Variants in PSD3 observed in about 807,000 individuals in gnomAD.
The protein encoded by PSD3 is PH and SEC7 domain-containing protein 3.
A neutral mutation model predicts 105.5 loss-of-function variants in PSD3; 49 were observed. The observed-to-expected ratio is 0.46, with a 90% confidence interval of 0.37 to 0.59. The LOEUF is 0.59. PSD3 is among the 20% of genes least tolerant of loss of function. The probability of loss-of-function intolerance (pLI) is 0.00; values close to 1 mark genes in which losing one functional copy is unlikely to be tolerated. For missense variants in PSD3, 1,561 were observed against 1,263.8 expected (o/e 1.24, Z -3.57); for synonymous variants, 557 against 457.8 (o/e 1.22, Z -2.77).
intron 8 of PSD3, among the ~76,000 whole-genome samples, chr8:18,782,312 T>G (rs947959841): frequency 3.9e-5 from 6 of 152,162 alleles, no homozygotes; most frequent in Admixed American, 1.3e-4. Flanking sequence ...CTCTATGGAT[T>G]GGGTTTCGAA....
intron 1 of PSD3, among the ~76,000 whole-genome samples, chr8:19,020,928 T>G (rs1827342578): frequency 6.6e-6 from 1 of 152,116 alleles, no homozygotes; most frequent in Admixed American, 6.6e-5. Context: ...TAAGTTAGAG[T>G]TAACTTTTCA....
intron 9 of PSD3, among the ~76,000 whole-genome samples, chr8:18,761,110 C>T (rs1002092609): frequency 2.0e-5 from 3 of 152,086 alleles, no homozygotes; most frequent in Admixed American, 6.6e-5. Context: ...TCACTAAAAA[C>T]GCAAATCAAA....
chr8:18,946,141 C>G (rs10093830), intron 1 of PSD3, among the ~76,000 whole-genome samples: 72,053 of 152,034 alleles, frequency 0.47, 17,444 homozygotes, highest in African/African-American at 0.57. Flanking sequence ...ACACTTTGCT[C>G]TCCCTCTATA....
At chr8:18,691,830 T>C (rs1335332758) in intron 9 of PSD3, among the ~76,000 whole-genome samples, 1 of 152,156 alleles carries the variant, frequency 6.6e-6, no homozygotes, top group African/African-American at 2.4e-5. Context: ...AAAGACAAAT[T>C]ATTCTCTAAG....
intron 2 of PSD3, among the ~76,000 whole-genome samples, chr8:18,896,475 G>A (rs1467401006): frequency 2.0e-5 from 3 of 152,156 alleles, no homozygotes. Context: ...GTGCACTGGT[G>A]CAATCTTGGC....
intron 9 of PSD3, among the ~76,000 whole-genome samples, chr8:18,752,546 T>TTACATATATTA (rs1805624487): frequency 5.6e-5 from 1 of 17,732 alleles, no homozygotes; most frequent in Non-Finnish European, 1.2e-4. Context: ...ATTATATATA[T>TTACATATATTA]TATATATAAT....
intron 9 of PSD3, among the ~76,000 whole-genome samples, chr8:18,656,240 T>C (rs1808883223): frequency 6.6e-6 from 1 of 152,060 alleles, no homozygotes; most frequent in Non-Finnish European, 1.5e-5. Context: ...GTATTTTTAG[T>C]AGAGACGGGG....
chr8:18,663,505 A>G (rs1017113464), intron 9 of PSD3, among the ~76,000 whole-genome samples: 3 of 152,170 alleles, frequency 2.0e-5, no homozygotes, highest in Non-Finnish European at 2.9e-5. Context: ...TAATACTTCA[A>G]AGTTTTACTA....
intron 1 of PSD3, among the ~76,000 whole-genome samples, chr8:19,019,997 A>G (rs1167114780): frequency 2.0e-5 from 3 of 152,322 alleles, no homozygotes; most frequent in African/African-American, 7.2e-5. Context: ...CCTTTCCCCC[A>G]AGACCCGAAT....
intron 4 of PSD3, among the ~76,000 whole-genome samples, chr8:18,865,541 G>A (rs1816860214): frequency 6.6e-6 from 1 of 151,814 alleles, no homozygotes; most frequent in Non-Finnish European, 1.5e-5. Flanking sequence ...TCCTCCACCT[G>A]TAACCACTTA....
At chr8:18,657,150 A>G (rs1353297438) in intron 9 of PSD3, among the ~76,000 whole-genome samples, 1 of 152,204 alleles carries the variant, frequency 6.6e-6, no homozygotes, top group Non-Finnish European at 1.5e-5. Flanking sequence ...GCAGGTTCAG[A>G]AAGTTGTCCA....
intron 1 of PSD3, among the ~76,000 whole-genome samples, chr8:19,062,560 T>C (rs543387871): frequency 1.3e-5 from 2 of 152,354 alleles, no homozygotes; most frequent in East Asian, 1.9e-4. Flanking sequence ...CAATTCCTAA[T>C]GCTTTTTCTA....
chr8:19,026,876 C>G lies in PSD3; in HGVS notation c.324+57330G>C, dbSNP rs575917643. Among the ~76,000 whole-genome samples, 5 of 151,804 alleles carry G rather than the reference C, an allele frequency of 3.3e-5. No individual in the cohort carries two copies. In the East Asian group the frequency reaches 5.8e-4, roughly 18 times the overall value. On this transcript the variant is annotated intron_variant, in intron 1 of 1. Transcript: ENST00000521475. ...GCCACAGAGCAAGAGCCTGCCCCCC[C>G]ACCCAAAAATATATATATATACAAA...
chr8:18,555,973 G>C (rs1168006797), intron 15 of PSD3, among the ~76,000 whole-genome samples: 1 of 152,226 alleles, frequency 6.6e-6, no homozygotes, highest in East Asian at 1.9e-4. Flanking sequence ...ATTCCAACCA[G>C]GCAGGCTATT....
At chr8:18,857,645 C>T (rs1018580770) in intron 4 of PSD3, among the ~76,000 whole-genome samples, 2 of 152,150 alleles carry the variant, frequency 1.3e-5, no homozygotes, top group Non-Finnish European at 2.9e-5. Flanking sequence ...CATGGACCAC[C>T]GTTGTAGACC....
chr8:18,839,714 C>T (rs1236462090), intron 4 of PSD3, among the ~76,000 whole-genome samples: 4 of 152,284 alleles, frequency 2.6e-5, no homozygotes, highest in Non-Finnish European at 4.4e-5. Flanking sequence ...GTCAACTCCA[C>T]GTGGAACTCA....
intron 1 of PSD3, among the ~76,000 whole-genome samples, chr8:19,053,932 T>C (rs1828617952): frequency 6.6e-6 from 1 of 152,232 alleles, no homozygotes; most frequent in Non-Finnish European, 1.5e-5. Flanking sequence ...GTCTTGGAGT[T>C]ACAAGACTGC....
At chr8:18,567,533 C>T (rs945749869) in intron 14 of PSD3, among the ~76,000 whole-genome samples, 3 of 152,036 alleles carry the variant, frequency 2.0e-5, no homozygotes, top group East Asian at 1.9e-4. Context: ...AAATTCAATG[C>T]CATTGTGTCC....
chr8:18,906,678 T>C (rs1385829943), intron 2 of PSD3, among the ~76,000 whole-genome samples: 1 of 152,166 alleles, frequency 6.6e-6, no homozygotes, highest in Non-Finnish European at 1.5e-5. Flanking sequence ...TAAGAAAAAT[T>C]AGCATAAGAA....
Sources: allele counts gnomAD v4.1 joint callset (sites outside exome capture counted in the v4.1 genomes callset), GRCh38; gene constraint gnomAD v4.1.1; transcripts MANE v1.5; gene names NCBI Gene and HGNC (gene_info 2026-07-23, HGNC 2026-07-21).